The following RPH3A variants were observed in gnomAD, a reference collection of about 807,000 sequenced individuals.
RPH3A encodes the protein rabphilin-3A.
Under a neutral mutation model 102.2 loss-of-function variants are expected in RPH3A, and 48 were observed. That is an observed-to-expected ratio of 0.47 (90% CI 0.37 to 0.60). RPH3A has a LOEUF of 0.60. Among genes scored for constraint, RPH3A ranks in the 20% least tolerant of loss-of-function variants. The pLI is 0.00. For synonymous variants in RPH3A, 310 were observed against 324.3 expected (o/e 0.96, Z 0.47); for missense variants, 781 against 910.1 (o/e 0.86, Z 1.83).
intron 1 of RPH3A, among the ~76,000 whole-genome samples, chr12:112,749,286 G>A (rs1487597311): frequency 6.6e-6 from 1 of 152,188 alleles, no homozygotes; most frequent in Admixed American, 6.5e-5. Context: ...TTTCGTCAGT[G>A]TTCTGGGATG....
upstream of RPH3A, among the ~76,000 whole-genome samples, chr12:112,788,225 G>T (rs2041064528): frequency 6.6e-6 from 1 of 152,260 alleles, no homozygotes; most frequent in South Asian, 2.1e-4. Context: ...ACCAGAGAGG[G>T]TGGAGAGCTC....
At position 112,727,408 on chromosome 12, in the gene RPH3A, T is replaced by A. The variant is rs1334127644; in HGVS notation, c.-139-64735T>A. ...TCTGCCTCAAAAAAAAAAAAAAAAA[T>A]ATATATATATATACATACACACACA... On this transcript the variant is annotated intron_variant, in intron 1 of 21. Transcript: ENST00000543106. Among the ~76,000 whole-genome samples the A allele has an allele frequency of 3.1e-3, 383 of 123,612 alleles. 5 individuals are homozygous for A. The highest frequency in any genetic ancestry group is 0.025 in the South Asian group (100 of 3,936). 81.1% of individuals were successfully genotyped at this position (123,612 alleles called of 152,430 possible). A position where few individuals can be genotyped will look rare whatever the true frequency, so the allele number is the denominator to read the frequency against.
chr12:112,608,553 T>C (rs1020941562), intron 1 of RPH3A, among the ~76,000 whole-genome samples: 1 of 152,226 alleles, frequency 6.6e-6, no homozygotes. Context: ...AATTAAGGAC[T>C]TCTGCTTTTA....
intron 1 of RPH3A, among the ~76,000 whole-genome samples, chr12:112,577,866 C>T (rs1379302548): frequency 1.3e-5 from 2 of 152,064 alleles, no homozygotes; most frequent in African/African-American, 4.8e-5. Flanking sequence ...TTTTGGGAGC[C>T]GTGGCTCTGT....
chr12:112,608,307 G>A (rs1391526814), intron 1 of RPH3A, among the ~76,000 whole-genome samples: 4 of 151,724 alleles, frequency 2.6e-5, no homozygotes, highest in Non-Finnish European at 5.9e-5. Flanking sequence ...GTAGAGATGG[G>A]GTTTCACCAT....
intron 1 of RPH3A, among the ~76,000 whole-genome samples, chr12:112,684,036 C>T (rs1315067257): frequency 6.6e-6 from 1 of 152,068 alleles, no homozygotes; most frequent in Non-Finnish European, 1.5e-5. Context: ...TCTATCTCTA[C>T]ATATAGATAT....
intron 1 of RPH3A, among the ~76,000 whole-genome samples, chr12:112,601,636 G>A (rs233717): frequency 0.45 from 67,805 of 152,122 alleles, 18,146 homozygotes; most frequent in East Asian, 0.73. Context: ...CATTATACAA[G>A]TAGATTATAA....
At chr12:112,618,623 T>A (rs1325573443) in intron 1 of RPH3A, among the ~76,000 whole-genome samples, 3 of 152,224 alleles carry the variant, frequency 2.0e-5, no homozygotes, top group Admixed American at 2.0e-4. Context: ...ATTGTTTTTT[T>A]AATCATATTT....
chr12:112,604,038 T>C (rs1237456391), intron 1 of RPH3A, among the ~76,000 whole-genome samples: 2 of 152,226 alleles, frequency 1.3e-5, no homozygotes, highest in Non-Finnish European at 2.9e-5. Context: ...GGCAAAGTTC[T>C]AAATAAGTAC....
chr12:112,829,217 A>G (rs1441507597), intron 3 of RPH3A, among the ~76,000 whole-genome samples: 1 of 152,206 alleles, frequency 6.6e-6, no homozygotes, highest in African/African-American at 2.4e-5. Flanking sequence ...ATTTTTGTAA[A>G]AAGAATAAAT....
intron 1 of RPH3A, among the ~76,000 whole-genome samples, chr12:112,624,980 GA>G (rs2039760633): frequency 1.0e-5 from 1 of 98,968 alleles, no homozygotes. Flanking sequence ...AATAGATGCA[GA>G]AAAAGCCTTT....
intron 1 of RPH3A, among the ~76,000 whole-genome samples, chr12:112,613,364 A>T (rs1251589618): frequency 1.3e-5 from 2 of 152,230 alleles, no homozygotes; most frequent in East Asian, 3.9e-4. Context: ...CGCGGTTCTA[A>T]GAATGGACTC....
intron 1 of RPH3A, among the ~76,000 whole-genome samples, chr12:112,647,013 C>T (rs531873439): frequency 6.6e-6 from 1 of 152,248 alleles, no homozygotes; most frequent in South Asian, 2.1e-4. Flanking sequence ...GTGAATTTAG[C>T]CACACATTAG....
chr12:112,655,561 G>GTTT (rs1181500429), intron 1 of RPH3A, among the ~76,000 whole-genome samples: 2 of 94,860 alleles, frequency 2.1e-5, no homozygotes, highest in African/African-American at 9.2e-5. Context: ...ATTTTTGTTG[G>GTTT]TCTTTTTTTT....
At chr12:112,577,969 A>G (rs1391774522) in intron 1 of RPH3A, among the ~76,000 whole-genome samples, 3 of 152,182 alleles carry the variant, frequency 2.0e-5, no homozygotes, top group Admixed American at 2.0e-4. Flanking sequence ...TAACTCAAGT[A>G]AAGTAGAGAT....
intron 1 of RPH3A, among the ~76,000 whole-genome samples, chr12:112,615,431 A>G (rs2039671441): frequency 6.6e-6 from 1 of 152,148 alleles, no homozygotes; most frequent in Admixed American, 6.5e-5. Context: ...GGCTCTGGCC[A>G]CTAGAGAGGT....
intron 2 of RPH3A, among the ~76,000 whole-genome samples, chr12:112,807,218 C>T (rs2041486439): frequency 6.6e-6 from 1 of 152,040 alleles, no homozygotes; most frequent in African/African-American, 2.4e-5. Flanking sequence ...ATCCTGCCTG[C>T]AGTGCAGGGT....
intron 1 of RPH3A, among the ~76,000 whole-genome samples, chr12:112,702,667 G>A (rs1271190563): frequency 6.6e-6 from 1 of 152,216 alleles, no homozygotes; most frequent in African/African-American, 2.4e-5. Flanking sequence ...AGAGGGAAGA[G>A]CTGGACCAAG....
chr12:112,773,839 G>C (rs1050666023), intron 1 of RPH3A, among the ~76,000 whole-genome samples: 2 of 152,052 alleles, frequency 1.3e-5, no homozygotes, highest in African/African-American at 2.4e-5. Flanking sequence ...CCAGCACTTT[G>C]GGAGGCCGAG....
Sources: gnomAD v4.1 joint callset for allele counts (sites outside exome capture counted in the v4.1 genomes callset) on GRCh38, gnomAD v4.1.1 for gene constraint, MANE v1.5 for transcripts, NCBI Gene and HGNC (gene_info 2026-07-23, HGNC 2026-07-21) for gene names.